Variants in DLC1 observed in about 807,000 individuals in gnomAD.
DLC1 encodes the protein rho GTPase-activating protein 7.
A neutral mutation model predicts 140.3 loss-of-function variants in DLC1; 54 were observed. That is an observed-to-expected ratio of 0.38 (90% CI 0.31 to 0.48). The LOEUF (loss-of-function observed/expected upper bound fraction) is 0.48. DLC1 is among the 20% of genes least tolerant of loss of function. The probability of loss-of-function intolerance (pLI) is 0.96; values close to 1 mark genes in which losing one functional copy is unlikely to be tolerated. For missense variants in DLC1, 2,536 were observed against 1,907.0 expected, an observed-to-expected ratio of 1.33 and a Z score of -6.14; for synonymous variants, 986 against 728.1, an observed-to-expected ratio of 1.35 and a Z score of -5.70.
intron 2 of DLC1, among the ~76,000 whole-genome samples, chr8:13,404,559 T>A (rs289589): frequency 0.36 from 54,924 of 152,078 alleles, 10,694 homozygotes; most frequent in East Asian, 0.69. Context: ...TAACACATTT[T>A]ATTTTTTAAA....
intron 1 of DLC1, among the ~76,000 whole-genome samples, chr8:13,603,086 A>T (rs1805940790): frequency 1.3e-5 from 2 of 151,924 alleles, no homozygotes; most frequent in African/African-American, 4.8e-5. Flanking sequence ...AATTGTTCAC[A>T]AACATGCTGT....
At chr8:13,152,622 A>C (rs1004803989) in intron 5 of DLC1, among the ~76,000 whole-genome samples, 1 of 151,306 alleles carries the variant, frequency 6.6e-6, no homozygotes, top group Admixed American at 6.7e-5. Context: ...ACGTGGAGAA[A>C]CACCACCTCT....
chr8:13,170,620 G>C (rs10093895), intron 5 of DLC1, among the ~76,000 whole-genome samples: 79,404 of 150,794 alleles, frequency 0.53, 21,433 homozygotes, highest in East Asian at 0.84. Flanking sequence ...GTCCCAGCTA[G>C]TCGGGAGGCT....
At chr8:13,184,146 G>A (rs1254883478) in intron 5 of DLC1, among the ~76,000 whole-genome samples, 1 of 152,132 alleles carries the variant, frequency 6.6e-6, no homozygotes, top group Non-Finnish European at 1.5e-5. Context: ...TTATTTCTAT[G>A]GGATTGGTGG....
At chr8:13,388,333 C>T (rs577020280) in intron 4 of DLC1, among the ~76,000 whole-genome samples, 1 of 152,092 alleles carries the variant, frequency 6.6e-6, no homozygotes, top group African/African-American at 2.4e-5. Flanking sequence ...AACCTTTGTT[C>T]TTCTACCTTA....
At chr8:13,441,881 G>C (rs1215499219) in intron 2 of DLC1, among the ~76,000 whole-genome samples, 2 of 152,136 alleles carry the variant, frequency 1.3e-5, no homozygotes, top group Non-Finnish European at 2.9e-5. Flanking sequence ...AACCAAAAAA[G>C]GGCCTGCATT....
At chr8:13,164,523 A>G (rs1394315141) in intron 5 of DLC1, among the ~76,000 whole-genome samples, 1 of 152,000 alleles carries the variant, frequency 6.6e-6, no homozygotes. Context: ...CATCTTCCTG[A>G]TGTTCCCTTT....
intron 5 of DLC1, chr8:13,133,114 G>C: frequency 3.4e-6 from 5 of 1,473,620 alleles, no homozygotes; most frequent in African/African-American, 1.4e-5. Flanking sequence ...CTTGCTCGCC[G>C]CTCCCTGCCC....
intron 5 of DLC1, among the ~76,000 whole-genome samples, chr8:13,145,570 C>G (rs1051215132): frequency 6.6e-6 from 1 of 152,056 alleles, no homozygotes; most frequent in African/African-American, 2.4e-5. Flanking sequence ...CTCCAAACAA[C>G]TAAAAATATC....
chr8:13,397,837 A>G (rs1208339087), intron 3 of DLC1, among the ~76,000 whole-genome samples: 1 of 151,900 alleles, frequency 6.6e-6, no homozygotes, highest in African/African-American at 2.4e-5. Context: ...TGCAAATTAA[A>G]AGAACAAGAC....
intron 4 of DLC1, among the ~76,000 whole-genome samples, chr8:13,333,228 C>T (rs1233537785): frequency 6.6e-6 from 1 of 151,946 alleles, no homozygotes; most frequent in Non-Finnish European, 1.5e-5. Flanking sequence ...GTCATCCTTT[C>T]TTTTTTCTTT....
At chr8:13,591,344 A>C (rs1805507742) in intron 1 of DLC1, among the ~76,000 whole-genome samples, 1 of 152,098 alleles carries the variant, frequency 6.6e-6, no homozygotes, top group South Asian at 2.1e-4. Context: ...TCATGGGGGC[A>C]GTTGCCCTCA....
At chr8:13,480,460 C>T (rs914457035) in intron 2 of DLC1, among the ~76,000 whole-genome samples, 1 of 152,108 alleles carries the variant, frequency 6.6e-6, no homozygotes, top group African/African-American at 2.4e-5. Flanking sequence ...TAGACTATAT[C>T]TTCTTCCTTT....
chr8:13,601,561 T>A (rs985428082), intron 1 of DLC1, among the ~76,000 whole-genome samples: 1 of 151,618 alleles, frequency 6.6e-6, no homozygotes, highest in Non-Finnish European at 1.5e-5. Flanking sequence ...GTTAGAGTAA[T>A]TAGACTTACA....
At chr8:13,324,400 C>G (rs1833252552) in intron 4 of DLC1, among the ~76,000 whole-genome samples, 2 of 151,466 alleles carry the variant, frequency 1.3e-5, no homozygotes, top group African/African-American at 4.9e-5. Context: ...AACCCTGTCT[C>G]TACTAAAAAT....
chr8:13,571,041 A>T (rs943256892), intron 1 of DLC1, among the ~76,000 whole-genome samples: 2 of 152,188 alleles, frequency 1.3e-5, no homozygotes, highest in African/African-American at 4.8e-5. Flanking sequence ...TTTAACCAAT[A>T]CAACTTTATT....
intron 5 of DLC1, among the ~76,000 whole-genome samples, chr8:13,190,113 A>T (rs1826660149): frequency 6.6e-6 from 1 of 152,218 alleles, no homozygotes; most frequent in South Asian, 2.1e-4. Flanking sequence ...ATGTATTCCA[A>T]ATATCATTTT....
At chr8:13,518,129 A>G (rs900736647), upstream of DLC1, among the ~76,000 whole-genome samples, 1 of 81,892 alleles carries the variant, frequency 1.2e-5, no homozygotes, top group African/African-American at 5.6e-5. Context: ...TGTTTTTGAG[A>G]CAGAGTCTGG....
chr8:13,256,914 C>A (rs948227695), intron 5 of DLC1, among the ~76,000 whole-genome samples: 1 of 148,020 alleles, frequency 6.8e-6, no homozygotes, highest in Non-Finnish European at 1.5e-5. Context: ...GAGGCAGGAT[C>A]TTGGGAGATA....
Sources: allele counts gnomAD v4.1 joint callset (sites outside exome capture counted in the v4.1 genomes callset), GRCh38; gene constraint gnomAD v4.1.1; transcripts MANE v1.5; gene names NCBI Gene and HGNC (gene_info 2026-07-23, HGNC 2026-07-21).